The following KALRN variants were observed in gnomAD, a reference collection of about 807,000 sequenced individuals.
KALRN encodes the protein kalirin.
KALRN carries 70 observed loss-of-function variants against 353.7 expected under a neutral mutation model. The ratio of observed to expected loss-of-function variants is 0.20; its 90% CI spans 0.16 to 0.24. The LOEUF (loss-of-function observed/expected upper bound fraction) is 0.24. Ranked by LOEUF, KALRN falls within the 10% of genes least tolerant of loss-of-function variation. KALRN has a pLI of 1.00. For synonymous variants in KALRN, 1,391 were observed against 1,434.8 expected (o/e 0.97, Z 0.69); for missense variants, 2,791 against 3,756.7 (o/e 0.74, Z 6.72).
rs558802818 is a variant in KALRN, at chr3:124,532,667, C to T, written c.4936-30176C>T. Among the ~76,000 whole-genome samples the T allele has an allele frequency of 3.3e-5, 5 of 152,106 alleles. No individual in the cohort carries two copies. In the East Asian group the frequency reaches 9.7e-4, roughly 29 times the overall value. ...CTAAAAATACAAAAAATTAGCTAGGCAGGGTCGCACACATCTGTAGTCCCA... is the reference window on the plus strand; with the variant it reads ...CTAAAAATACAAAAAATTAGCTAGGTAGGGTCGCACACATCTGTAGTCCCA... On this transcript the variant is annotated intron_variant, in intron 33 of 59. Coordinates refer to ENST00000682506, the MANE Select transcript of KALRN (RefSeq NM_001388419.1).
chr3:124,549,209 C>T (rs1050643242), intron 33 of KALRN, among the ~76,000 whole-genome samples: 10 of 152,160 alleles, frequency 6.6e-5, no homozygotes, highest in African/African-American at 2.4e-4. Flanking sequence ...CTATAAGCTC[C>T]TAGACTTACC....
chr3:124,479,067 C>T (rs2061705240), intron 27 of KALRN, among the ~76,000 whole-genome samples: 1 of 152,238 alleles, frequency 6.6e-6, no homozygotes, highest in South Asian at 2.1e-4. Context: ...ATGCACCTTT[C>T]TGTTACTCAC....
intron 1 of KALRN, among the ~76,000 whole-genome samples, chr3:124,056,506 A>G (rs1317570907): frequency 6.6e-6 from 1 of 152,314 alleles, no homozygotes; most frequent in East Asian, 1.9e-4. Context: ...ATAAAGTGAA[A>G]GTGCTGAAAT....
rs184808591 is a variant in KALRN, at chr3:124,681,121, T to C, written c.7377+1604T>C. On this transcript the variant is annotated intron_variant, in intron 51 of 59. Coordinates refer to ENST00000682506, the MANE Select transcript of KALRN (RefSeq NM_001388419.1). ...AACAATTTAGGACCTTGTCCAGTTC[T>C]TGTGGACTAGGGGAGAAGAGTGATG... is the stretch of plus-strand genomic sequence containing the variant. 1.2e-3 allele frequency among the ~76,000 whole-genome samples: 183 copies of C among 152,264 alleles called. 1 individual carries two copies. In the Middle Eastern group the frequency reaches 0.02, roughly 17 times the overall value.
intron 33 of KALRN, among the ~76,000 whole-genome samples, chr3:124,507,599 G>A (rs2065377264): frequency 1.3e-5 from 2 of 152,156 alleles, no homozygotes; most frequent in Admixed American, 6.5e-5. Context: ...ATACCACGGA[G>A]ATTCAGAATA....
intron 1 of KALRN, among the ~76,000 whole-genome samples, chr3:124,041,184 G>A (rs952197070): frequency 1.3e-5 from 2 of 152,106 alleles, no homozygotes; most frequent in African/African-American, 4.8e-5. Context: ...TATGAAGGAG[G>A]CTGAGAAGGT....
intron 51 of KALRN, among the ~76,000 whole-genome samples, chr3:124,681,380 G>T (rs1440499677): frequency 6.6e-6 from 1 of 152,168 alleles, no homozygotes; most frequent in Non-Finnish European, 1.5e-5. Flanking sequence ...TCCTCAGGAG[G>T]TGCTGTGGAG....
In KALRN at chr3:124,334,190, C is replaced by G. The variant is rs1364580581; in HGVS notation, c.1417-75C>G. 7.8e-7 allele frequency: 1 copy of G among 1,280,852 alleles called. No homozygotes were observed. Among genetic ancestry groups the G allele is most frequent in the Non-Finnish European group, 1.1e-6 (1 of 885,250 alleles). The allele number at this position is 1,280,852 out of a possible 1,614,324, so 79.3% of individuals were successfully genotyped here. On this transcript the variant is annotated intron_variant, in intron 8 of 59. Transcript: ENST00000682506. This position sits in a 1 kb window ranked among gnomAD's most constrained non-coding sequence, Gnocchi z 4.2. Reference sequence around the variant, plus strand: ...GAAGGCCTAGTCAGGGACCCTCAGGCAGACACTTCCTGCTTCTCTCTGTGC... The same window carrying G: ...GAAGGCCTAGTCAGGGACCCTCAGGGAGACACTTCCTGCTTCTCTCTGTGC...
chr3:124,440,791 T>C (rs577749911), intron 18 of KALRN, among the ~76,000 whole-genome samples: 33 of 152,186 alleles, frequency 2.2e-4, no homozygotes, highest in Non-Finnish European at 3.4e-4. Flanking sequence ...ATTAGTATGC[T>C]AGTATTTATT....
intron 25 of KALRN, among the ~76,000 whole-genome samples, chr3:124,464,024 A>G (rs2060097884): frequency 6.6e-6 from 1 of 152,198 alleles, no homozygotes. Context: ...TTCCAGATGT[A>G]GAAATATCAT....
At chr3:124,693,096 G>A (rs565804301) in intron 51 of KALRN, among the ~76,000 whole-genome samples, 2 of 152,206 alleles carry the variant, frequency 1.3e-5, no homozygotes, top group Non-Finnish European at 2.9e-5. Flanking sequence ...GAGTTAGTCG[G>A]CTTAGTCACT....
intron 33 of KALRN, among the ~76,000 whole-genome samples, chr3:124,547,799 C>A (rs567314133): frequency 1.4e-5 from 2 of 146,960 alleles, no homozygotes; most frequent in African/African-American, 5.0e-5. Context: ...CCTTTTGGCT[C>A]AAGCAGGGGA....
chr3:124,633,632 T>G (rs1038775471), intron 35 of KALRN, among the ~76,000 whole-genome samples: 1 of 83,524 alleles, frequency 1.2e-5, no homozygotes, highest in African/African-American at 6.7e-5. Context: ...TGCTTCTTTT[T>G]GGGGGTGTGT....
intron 34 of KALRN, among the ~76,000 whole-genome samples, chr3:124,628,956 C>T (rs1160761218): frequency 6.6e-6 from 1 of 152,070 alleles, no homozygotes; most frequent in Non-Finnish European, 1.5e-5. Flanking sequence ...CAGAGGGCCT[C>T]CCAGGTAGAT....
intron 1 of KALRN, among the ~76,000 whole-genome samples, chr3:124,213,197 A>G (rs779104566): frequency 5.9e-5 from 9 of 152,094 alleles, no homozygotes; most frequent in Non-Finnish European, 1.2e-4. Context: ...TTTGGGCTCT[A>G]ATCTCTCTAA....
intron 11 of KALRN, among the ~76,000 whole-genome samples, chr3:124,391,419 A>G (rs556722009): frequency 2.6e-5 from 4 of 152,198 alleles, no homozygotes; most frequent in Non-Finnish European, 5.9e-5. Context: ...CACTCACTCC[A>G]TGATTTTACC....
chr3:124,192,760 G>A (rs895631880), intron 1 of KALRN, among the ~76,000 whole-genome samples: 2 of 152,232 alleles, frequency 1.3e-5, no homozygotes, highest in African/African-American at 4.8e-5. Flanking sequence ...CACAGCAAGA[G>A]GCCGGCCATC....
intron 33 of KALRN, among the ~76,000 whole-genome samples, chr3:124,543,145 A>G (rs2069225931): frequency 6.6e-6 from 1 of 152,150 alleles, no homozygotes; most frequent in Non-Finnish European, 1.5e-5. Flanking sequence ...GGAAGCAGCA[A>G]TGCCTTTTAT....
At chr3:124,674,665 T>C (rs2086947796) in intron 49 of KALRN, 51 bp downstream of exon 49, 22 of 1,474,040 alleles carry the variant, frequency 1.5e-5, no homozygotes, top group Non-Finnish European at 1.9e-5. Flanking sequence ...ATTAAAAATA[T>C]TCAGAAACAA....
Sources: gnomAD v4.1 joint callset for allele counts (sites outside exome capture counted in the v4.1 genomes callset) on GRCh38, gnomAD v4.1.1 for gene constraint, Gnocchi (gnomAD v3.1) non-coding constraint, MANE v1.5 for transcripts, NCBI Gene and HGNC (gene_info 2026-07-23, HGNC 2026-07-21) for gene names.